DLGAP1: variants seen among roughly 807,000 people sequenced by gnomAD.
DLGAP1 encodes DLG associated protein 1, also known as disks large-associated protein 1.
Under a neutral mutation model 90.8 loss-of-function variants are expected in DLGAP1, and 11 were observed. That is an observed-to-expected ratio of 0.12 (90% CI 0.08 to 0.20). The LOEUF (loss-of-function observed/expected upper bound fraction) is 0.20, where lower values mean the gene tolerates loss of function less well. Ranked by LOEUF, DLGAP1 falls within the 10% of genes least tolerant of loss-of-function variation. The pLI is 1.00. For synonymous variants in DLGAP1, 558 were observed against 540.7 expected, an observed-to-expected ratio of 1.03 and a Z score of -0.44; for missense variants, 1,050 against 1,333.8, an observed-to-expected ratio of 0.79 and a Z score of 3.31.
intron 10 of DLGAP1, among the ~76,000 whole-genome samples, chr18:3,524,826 C>A (rs374479169): frequency 2.0e-5 from 3 of 152,120 alleles, no homozygotes; most frequent in Non-Finnish European, 2.9e-5. Flanking sequence ...TGTGTCCTTG[C>A]GGCAAAAATT....
intron 12 of DLGAP1, among the ~76,000 whole-genome samples, chr18:3,500,014 G>A (rs1184960366): frequency 6.6e-6 from 1 of 152,102 alleles, no homozygotes; most frequent in East Asian, 1.9e-4. Context: ...CAATATACAG[G>A]GTCACGGGAG....
At position 4,359,416 on chromosome 18, in the gene DLGAP1, C is replaced by T. The variant is rs1258855237; in HGVS notation, c.-267+95590G>A. On this transcript the variant is annotated intron_variant, in intron 1 of 12. Transcript: ENST00000315677. ...ATGGAGAAGAATCCAAACAAACAGG[C>T]CTTGTACATTCCCTTCATTAGATCA... Among the ~76,000 whole-genome samples the T allele has an allele frequency of 2.0e-5, 3 of 152,242 alleles. No individual in the cohort carries two copies. The East Asian group carries it at 5.8e-4, about 29-fold the overall frequency.
chr18:3,917,469 T>C (rs2072171415), intron 3 of DLGAP1, among the ~76,000 whole-genome samples: 1 of 152,244 alleles, frequency 6.6e-6, no homozygotes, highest in East Asian at 1.9e-4. Flanking sequence ...TTGTTACCTA[T>C]GTGTTCTCAT....
At chr18:3,806,742 T>C (rs2066581085) in intron 5 of DLGAP1, among the ~76,000 whole-genome samples, 1 of 152,232 alleles carries the variant, frequency 6.6e-6, no homozygotes, top group Non-Finnish European at 1.5e-5. Context: ...GCAGCATCTC[T>C]GATCAGCACT....
intron 7 of DLGAP1, among the ~76,000 whole-genome samples, chr18:3,716,729 T>C (rs940286890): frequency 2.0e-5 from 3 of 152,166 alleles, no homozygotes; most frequent in Non-Finnish European, 4.4e-5. Context: ...GTTATGTGTG[T>C]ATGTACAAAA....
At chr18:3,532,018 C>A (rs1361434089) in intron 10 of DLGAP1, among the ~76,000 whole-genome samples, 5 of 151,894 alleles carry the variant, frequency 3.3e-5, no homozygotes, top group Admixed American at 3.3e-4. Context: ...TTGCACCTGG[C>A]TAATTTTTGT....
intron 2 of DLGAP1, among the ~76,000 whole-genome samples, chr18:4,064,428 T>C (rs1009100445): frequency 2.7e-5 from 3 of 112,268 alleles, no homozygotes; most frequent in African/African-American, 1.3e-4. Flanking sequence ...TTGAAAAAAT[T>C]AATACAATAG....
chr18:3,879,283 G>A lies in DLGAP1; in HGVS notation c.786C>T (p.Cys262=), dbSNP rs746834000. ...TGTCCAGGCTGACCGGCAGGTTGGC[G>A]CAGGTGGAGCACTTGACGTCGTTGT... ...RSNNDVKCST[C]ANLPVSLDTP... Residue 262 remains cysteine, a synonymous_variant, in exon 4 of 13, where the codon TGC becomes TGT. Transcript: ENST00000315677. The surrounding 1 kb of genome is among the most constrained non-coding windows in gnomAD (Gnocchi z 6.6). 5 of 1,596,058 alleles carry A rather than the reference G, an allele frequency of 3.1e-6. No individual in the cohort carries two copies. Among genetic ancestry groups the A allele is most frequent in the Middle Eastern group, 1.7e-4 (1 of 5,946 alleles).
chr18:4,389,842 C>CAA (rs2082305500), intron 1 of DLGAP1, among the ~76,000 whole-genome samples: 1 of 152,194 alleles, frequency 6.6e-6, no homozygotes, highest in South Asian at 2.1e-4. Context: ...AGATGCACAT[C>CAA]AATTACTATA....
At chr18:4,427,903 G>A (rs534461548) in intron 1 of DLGAP1, among the ~76,000 whole-genome samples, 6 of 152,276 alleles carry the variant, frequency 3.9e-5, no homozygotes, top group Admixed American at 3.9e-4. Context: ...TGCTCACTGT[G>A]TTATTGCAAA....
At chr18:3,972,472 G>A (rs1220521126) in intron 3 of DLGAP1, among the ~76,000 whole-genome samples, 1 of 150,806 alleles carries the variant, frequency 6.6e-6, no homozygotes, top group Admixed American at 6.6e-5. Context: ...ATGTTTCCTT[G>A]GTGTGTTTGA....
intron 7 of DLGAP1, among the ~76,000 whole-genome samples, chr18:3,651,981 A>G (rs559054228): frequency 1.4e-5 from 2 of 147,828 alleles, no homozygotes; most frequent in Admixed American, 1.3e-4. Flanking sequence ...ACACAACAAC[A>G]ACAACAACAA....
intron 1 of DLGAP1, among the ~76,000 whole-genome samples, chr18:4,201,934 A>C (rs774097156): frequency 9.9e-5 from 15 of 152,272 alleles, no homozygotes; most frequent in Non-Finnish European, 2.2e-4. Context: ...CAAAAAACGG[A>C]AAGTAGATCT....
intron 1 of DLGAP1, among the ~76,000 whole-genome samples, chr18:4,235,499 T>C (rs1404792542): frequency 2.0e-5 from 3 of 152,036 alleles, no homozygotes; most frequent in African/African-American, 7.2e-5. Flanking sequence ...ATCTAAGCTT[T>C]GTTTGAACCT....
chr18:3,909,641 A>C (rs1373651452), intron 3 of DLGAP1, among the ~76,000 whole-genome samples: 1 of 152,202 alleles, frequency 6.6e-6, no homozygotes, highest in African/African-American at 2.4e-5. Context: ...TTGATTCTTC[A>C]AATAAATAGT....
At chr18:3,830,669 A>T (rs1190919614) in intron 4 of DLGAP1, among the ~76,000 whole-genome samples, 1 of 152,194 alleles carries the variant, frequency 6.6e-6, no homozygotes, top group Non-Finnish European at 1.5e-5. Context: ...TGATAAAACA[A>T]ATATAGAGCT....
In DLGAP1 at chr18:3,814,138, G is replaced by T. The variant is rs761904457; in HGVS notation, c.1093C>A (p.Pro365Thr). Reference sequence around the variant, plus strand: ...CTCCGCGCAGCAACTTTTGGAGAAGGCTTAGGACTCGTGTCTGAGTCTCCA... The same window carrying T: ...CTCCGCGCAGCAACTTTTGGAGAAGTCTTAGGACTCGTGTCTGAGTCTCCA... ...DSGDSDTSPK[P>T]SPKVAARRES... is the part of the protein sequence containing the mutation. The change falls in exon 5 of 13, where the codon CCT becomes ACT. Residue 365 changes from proline (P) to threonine (T), a missense_variant. Transcript: ENST00000315677. 6.2e-7 allele frequency: 1 copy of T among 1,614,040 alleles called. No homozygotes were observed. The highest frequency in any genetic ancestry group is 2.2e-5 in the East Asian group (1 of 44,856).
chr18:3,830,585 G>C (rs909712689), intron 4 of DLGAP1, among the ~76,000 whole-genome samples: 15 of 151,986 alleles, frequency 9.9e-5, no homozygotes, highest in African/African-American at 3.6e-4. Context: ...TAAATAAACA[G>C]GAAATTTATA....
At chr18:4,372,408 T>C (rs1054053893) in intron 1 of DLGAP1, among the ~76,000 whole-genome samples, 4 of 152,170 alleles carry the variant, frequency 2.6e-5, no homozygotes, top group African/African-American at 9.7e-5. Flanking sequence ...GACGACATGA[T>C]GGTGAATACT....
Sources: gnomAD v4.1 joint callset for allele counts (sites outside exome capture counted in the v4.1 genomes callset) on GRCh38, gnomAD v4.1.1 for gene constraint, Gnocchi (gnomAD v3.1) non-coding constraint, MANE v1.5 for transcripts, NCBI Gene and HGNC (gene_info 2026-07-23, HGNC 2026-07-21) for gene names.